DAB1: variants seen among roughly 807,000 people sequenced by gnomAD.
The protein encoded by DAB1 is DAB adaptor protein 1, also known as disabled homolog 1.
Under a neutral mutation model 64.6 loss-of-function variants are expected in DAB1, and 15 were observed. That is an observed-to-expected ratio of 0.23 (90% CI 0.16 to 0.36). The LOEUF (loss-of-function observed/expected upper bound fraction) is 0.36. DAB1 is among the 10% of genes least tolerant of loss of function. The pLI is 1.00. For missense variants in DAB1, 596 were observed against 706.7 expected (o/e 0.84, Z 1.78); for synonymous variants, 235 against 251.9 (o/e 0.93, Z 0.64).
At chr1:58,414,647 C>A (rs1644700743) in intron 3 of DAB1, among the ~76,000 whole-genome samples, 1 of 151,286 alleles carries the variant, frequency 6.6e-6, no homozygotes, top group Admixed American at 6.6e-5. Context: ...GAAAACATAG[C>A]ATTATAGAAG....
At chr1:58,107,198 C>T (rs576371050) in intron 5 of DAB1, among the ~76,000 whole-genome samples, 8 of 151,038 alleles carry the variant, frequency 5.3e-5, no homozygotes, top group Non-Finnish European at 1.2e-4. Flanking sequence ...CAGTGGCTCA[C>T]GTCTGTTATC....
rs115508966 is a variant in DAB1, at chr1:57,351,098, A to G, written c.-136-59932T>C. Among the ~76,000 whole-genome samples the G allele has an allele frequency of 7.7e-3, 1,169 of 152,290 alleles. 21 individuals are homozygous for G. Among genetic ancestry groups the G allele is most frequent in the African/African-American group, 0.027 (1,109 of 41,566 alleles). ...TCCACTTAATGTTATGAAGAGATGC[A>G]CTATTATCTGCAGTCTACAAATGAG... On this transcript the variant is annotated intron_variant, in intron 1 of 14. Coordinates refer to ENST00000371236, the MANE Select transcript of DAB1 (RefSeq NM_001365792.1).
At chr1:57,307,974 A>G (rs951924685) in intron 1 of DAB1, among the ~76,000 whole-genome samples, 1 of 152,168 alleles carries the variant, frequency 6.6e-6, no homozygotes, top group African/African-American at 2.4e-5. Flanking sequence ...ACCTTTGCCC[A>G]GCCACCTGAT....
chr1:58,083,997 C>T (rs1264541323), intron 5 of DAB1, among the ~76,000 whole-genome samples: 1 of 152,082 alleles, frequency 6.6e-6, no homozygotes, highest in African/African-American at 2.4e-5. Flanking sequence ...GTTATAACAG[C>T]AAAATGTTCA....
downstream of DAB1, among the ~76,000 whole-genome samples, chr1:57,825,741 A>AT (rs1239751714): frequency 3.9e-5 from 6 of 152,188 alleles, no homozygotes; most frequent in African/African-American, 1.4e-4. Flanking sequence ...CTTATTAGGC[A>AT]TTTTGCTCCT....
At chr1:58,497,505 G>T (rs1270185823) in intron 3 of DAB1, among the ~76,000 whole-genome samples, 1 of 152,122 alleles carries the variant, frequency 6.6e-6, no homozygotes. Flanking sequence ...TCCAAAATAA[G>T]ACTCCAGGAG....
At chr1:58,435,404 T>C (rs1196818625) in intron 3 of DAB1, among the ~76,000 whole-genome samples, 1 of 152,204 alleles carries the variant, frequency 6.6e-6, no homozygotes, top group African/African-American at 2.4e-5. Context: ...CCCATGGTCG[T>C]AGCTACCACT....
intron 5 of DAB1, among the ~76,000 whole-genome samples, chr1:58,079,757 G>C (rs1649880774): frequency 6.6e-6 from 1 of 151,776 alleles, no homozygotes; most frequent in South Asian, 2.1e-4. Context: ...CTGACCTCAT[G>C]ATCCACCTGC....
At chr1:57,756,765 T>C (rs1648830043) in intron 6 of DAB1, among the ~76,000 whole-genome samples, 1 of 152,132 alleles carries the variant, frequency 6.6e-6, no homozygotes, top group African/African-American at 2.4e-5. Context: ...GTAAGTAGCC[T>C]TCTCTACATC....
intron 1 of DAB1, among the ~76,000 whole-genome samples, chr1:57,849,626 A>C (rs1335640442): frequency 6.6e-6 from 1 of 152,184 alleles, no homozygotes; most frequent in Admixed American, 6.5e-5. Flanking sequence ...TTGAGGCATT[A>C]AGGAGCAGGT....
At chr1:57,676,322 G>A (rs1286480262) in intron 6 of DAB1, among the ~76,000 whole-genome samples, 1 of 152,170 alleles carries the variant, frequency 6.6e-6, no homozygotes, top group African/African-American at 2.4e-5. Flanking sequence ...AAAGCTCTTT[G>A]ACAATCAAGA....
At chr1:57,087,630 GC>G (rs1653223557) in intron 4 of DAB1, among the ~76,000 whole-genome samples, 1 of 152,136 alleles carries the variant, frequency 6.6e-6, no homozygotes, top group Non-Finnish European at 1.5e-5. Flanking sequence ...AAATGTGGAA[GC>G]CTGTGCCTGT....
At chr1:58,464,411 G>A (rs1349123538) in intron 3 of DAB1, among the ~76,000 whole-genome samples, 2 of 152,160 alleles carry the variant, frequency 1.3e-5, no homozygotes, top group South Asian at 2.1e-4. Context: ...AAGTGGGATC[G>A]TGTCCCCTGT....
intron 4 of DAB1, among the ~76,000 whole-genome samples, chr1:57,120,257 A>T (rs1163431074): frequency 2.0e-5 from 3 of 152,152 alleles, no homozygotes; most frequent in East Asian, 3.9e-4. Context: ...TTAGTCTGAT[A>T]TAATGAAATG....
At chr1:57,604,986 T>C (rs1053925226) in intron 7 of DAB1, among the ~76,000 whole-genome samples, 5 of 152,086 alleles carry the variant, frequency 3.3e-5, no homozygotes, top group African/African-American at 9.7e-5. Flanking sequence ...TAAAAATAAA[T>C]AATAAAGATA....
chr1:57,529,591 A>G (rs955724776), intron 7 of DAB1, among the ~76,000 whole-genome samples: 15 of 152,180 alleles, frequency 9.9e-5, no homozygotes, highest in African/African-American at 3.4e-4. Context: ...ACCTGACACA[A>G]TAGATTTCAA....
At chr1:57,084,723 ACC>A (rs375722122) in intron 4 of DAB1, among the ~76,000 whole-genome samples, 65 of 152,200 alleles carry the variant, frequency 4.3e-4, no homozygotes, top group African/African-American at 1.5e-3. Flanking sequence ...AGAATAACAA[ACC>A]TTTTTGTTTT....
At chr1:57,033,280 A>T in intron 9 of DAB1, 1 of 1,190,302 alleles carries the variant, frequency 8.4e-7, no homozygotes, top group Non-Finnish European at 1.3e-6. Context: ...CTACTAGAGC[A>T]GAGCAGGGCA....
chr1:58,505,109 C>T (rs1053917480), intron 3 of DAB1, among the ~76,000 whole-genome samples: 25 of 152,148 alleles, frequency 1.6e-4, no homozygotes, highest in African/African-American at 4.8e-4. Flanking sequence ...CATGCCACCA[C>T]GCCCGCCTAA....
Sources: allele counts gnomAD v4.1 joint callset (sites outside exome capture counted in the v4.1 genomes callset), GRCh38; gene constraint gnomAD v4.1.1; transcripts MANE v1.5; gene names NCBI Gene and HGNC (gene_info 2026-07-23, HGNC 2026-07-21).